TMEM131: variants seen among roughly 807,000 people sequenced by gnomAD.
The protein encoded by TMEM131 is 2610524E03Rik.
In TMEM131, 66 loss-of-function variants were observed where a neutral mutation model predicts 211.6. That is an observed-to-expected ratio of 0.31 (90% confidence interval 0.26 to 0.38). The LOEUF is 0.38. Ranked by LOEUF, TMEM131 falls within the 10% of genes least tolerant of loss-of-function variation. TMEM131 has a pLI of 1.00. For synonymous variants in TMEM131, 844 were observed against 841.3 expected (o/e 1.00, Z -0.06); for missense variants, 2,036 against 2,299.3 (o/e 0.89, Z 2.34).
At chr2:97,849,717 C>CTTTTTTTTTTTT (rs11320615) in intron 5 of TMEM131, among the ~76,000 whole-genome samples, 2 of 103,816 alleles carry the variant, frequency 1.9e-5, no homozygotes, top group Admixed American at 1.1e-4. Flanking sequence ...CTCTCTCTCT[C>CTTTTTTTTTTTT]TTTTTTTTTT....
chr2:97,920,968 C>T (rs1273045772), intron 2 of TMEM131, among the ~76,000 whole-genome samples: 2 of 101,446 alleles, frequency 2.0e-5, no homozygotes, highest in Non-Finnish European at 4.2e-5. Context: ...TAAAAAATCC[C>T]GAGTGTGTGT....
chr2:97,820,529 T>A lies in TMEM131; in HGVS notation c.1075-1808A>T, dbSNP rs142154946. Among the ~76,000 whole-genome samples the A allele has an allele frequency of 7.1e-4, 108 of 152,328 alleles. No homozygotes were observed. In the East Asian group the frequency reaches 0.016, roughly 23 times the overall value. ...ACTAGAGATGTGAGCTTGAGTCAGC[T>A]GCCCATCTACTCTGGGGCTCATTTT... On this transcript the variant is annotated intron_variant, in intron 11 of 40. Coordinates refer to ENST00000186436, the MANE Select transcript of TMEM131 (RefSeq NM_015348.2).
At chr2:97,890,607 A>T (rs1031431736) in intron 3 of TMEM131, among the ~76,000 whole-genome samples, 1 of 152,178 alleles carries the variant, frequency 6.6e-6, no homozygotes, top group Non-Finnish European at 1.5e-5. Flanking sequence ...TGTTCATATT[A>T]AAAAGTTACT....
chr2:97,903,234 T>C (rs1246188491), intron 3 of TMEM131, among the ~76,000 whole-genome samples: 2 of 152,178 alleles, frequency 1.3e-5, no homozygotes, highest in African/African-American at 4.8e-5. Flanking sequence ...AAGTGCTCAA[T>C]GATTGCTGGG....
intron 9 of TMEM131, 34 bp downstream of exon 9, chr2:97,834,739 CAA>C: frequency 6.2e-7 from 1 of 1,608,074 alleles, no homozygotes; most frequent in Non-Finnish European, 8.5e-7. Context: ...ATACTGAAAA[CAA>C]AACAACTTTC....
intron 1 of TMEM131, among the ~76,000 whole-genome samples, chr2:97,968,068 T>G (rs1453026591): frequency 6.6e-6 from 1 of 152,112 alleles, no homozygotes; most frequent in Admixed American, 6.6e-5. Context: ...ACCCGACCTA[T>G]CCTGGCAACC....
intron 3 of TMEM131, among the ~76,000 whole-genome samples, chr2:97,891,167 T>C (rs1416859061): frequency 6.6e-6 from 1 of 152,198 alleles, no homozygotes; most frequent in African/African-American, 2.4e-5. Context: ...TGTCTGCAAA[T>C]ATGTAATATT....
Position 97,949,837 on chromosome 2 carries a change from A to AC in TMEM131, c.188-22351_188-22350insG, listed in dbSNP as rs1332396660. The stretch of plus-strand genomic sequence containing the variant: ...TGTCTCAAAAAAAAAAAAAAAAAAA[A>AC]AAGTCAGTATTTATTTTTACACCCC... On this transcript the variant is annotated intron_variant, in intron 1 of 40. Coordinates refer to ENST00000186436, the MANE Select transcript of TMEM131 (RefSeq NM_015348.2). Among the ~76,000 whole-genome samples, 149 of 150,882 alleles carry AC rather than the reference A, an allele frequency of 9.9e-4. 3 individuals carry two copies. The highest frequency in any genetic ancestry group is 3.5e-3 in the African/African-American group (142 of 40,700).
rs1255937625 is a variant in TMEM131 at position 97,805,073 on chromosome 2, A to G, written c.2402+15T>C. ...TTGTAAAGATGGCTAAAATAAATAA[A>G]CATAAACCACTCACCTATGACCTGA... On this transcript the variant is annotated intron_variant, in intron 22 of 40. Coordinates refer to ENST00000186436, the MANE Select transcript of TMEM131 (RefSeq NM_015348.2). The G allele has an allele frequency of 1.3e-6, 2 of 1,547,422 alleles. No homozygotes were observed. Among genetic ancestry groups the G allele is most frequent in the Non-Finnish European group, 1.8e-6 (2 of 1,135,448 alleles).
chr2:97,908,285 C>G (rs1219235302), intron 3 of TMEM131, among the ~76,000 whole-genome samples: 1 of 152,140 alleles, frequency 6.6e-6, no homozygotes, highest in Admixed American at 6.5e-5. Flanking sequence ...GTCTGAGATC[C>G]TTCTCTGGGG....
chr2:97,894,736 G>C (rs1675531756), intron 3 of TMEM131, among the ~76,000 whole-genome samples: 1 of 152,182 alleles, frequency 6.6e-6, no homozygotes, highest in Non-Finnish European at 1.5e-5. Context: ...CTGAGACTTT[G>C]CTGAAGTTGC....
At chr2:97,989,744 G>A (rs754260717) in intron 1 of TMEM131, among the ~76,000 whole-genome samples, 1 of 152,174 alleles carries the variant, frequency 6.6e-6, no homozygotes, top group Non-Finnish European at 1.5e-5. Flanking sequence ...CGGCAGAGTT[G>A]TATGCAACAA....
intron 32 of TMEM131, among the ~76,000 whole-genome samples, chr2:97,773,404 G>A (rs992399932): frequency 3.9e-5 from 6 of 152,180 alleles, no homozygotes; most frequent in African/African-American, 1.4e-4. Flanking sequence ...TCTGCTGGGG[G>A]AATGTTACTG....
intron 4 of TMEM131, among the ~76,000 whole-genome samples, chr2:97,882,248 T>G (rs1674966079): frequency 6.6e-6 from 1 of 152,200 alleles, no homozygotes. Flanking sequence ...AGTATGTTTC[T>G]GGTTAGGGTG....
intron 4 of TMEM131, among the ~76,000 whole-genome samples, chr2:97,877,661 A>T (rs929348320): frequency 1.3e-5 from 2 of 152,218 alleles, no homozygotes; most frequent in Admixed American, 1.3e-4. Flanking sequence ...ATATGCAGAA[A>T]ACTGAAACTG....
chr2:97,765,041 A>G (rs1679088218), intron 35 of TMEM131: 1 of 152,282 alleles, frequency 6.6e-6, no homozygotes, highest in Admixed American at 6.5e-5. Flanking sequence ...GTGTTAAGCC[A>G]AGAGCCAATG....
chr2:97,762,255 C>G, intron 35 of TMEM131, 55 bp from the exon 36 acceptor site: 1 of 1,556,472 alleles, frequency 6.4e-7, no homozygotes, highest in East Asian at 2.2e-5. Flanking sequence ...TAGCGCTCTT[C>G]CAAATCACTT....
intron 1 of TMEM131, among the ~76,000 whole-genome samples, chr2:97,955,991 T>C (rs1161844130): frequency 6.6e-6 from 1 of 152,206 alleles, no homozygotes; most frequent in East Asian, 1.9e-4. Flanking sequence ...TATTCTAAAA[T>C]TTGCATGCAA....
chr2:97,919,698 G>C (rs1026963246), intron 2 of TMEM131, among the ~76,000 whole-genome samples: 1 of 152,272 alleles, frequency 6.6e-6, no homozygotes, highest in African/African-American at 2.4e-5. Flanking sequence ...AGCCTCCTGA[G>C]TAGCTGGGAT....
Sources: allele counts gnomAD v4.1 joint callset (sites outside exome capture counted in the v4.1 genomes callset), GRCh38; gene constraint gnomAD v4.1.1; transcripts MANE v1.5; gene names NCBI Gene and HGNC (gene_info 2026-07-23, HGNC 2026-07-21).